EPHA5: variants seen among roughly 807,000 people sequenced by gnomAD.
The protein encoded by EPHA5 is ephrin type-A receptor 5.
In EPHA5, 60 loss-of-function variants were observed where a neutral mutation model predicts 105.0. The ratio of observed to expected loss-of-function variants is 0.57; its 90% CI spans 0.46 to 0.71. EPHA5 has a LOEUF of 0.71. Ranked by LOEUF, EPHA5 falls within the 30% of genes least tolerant of loss-of-function variation. The probability of loss-of-function intolerance (pLI) is 0.00; values close to 1 mark genes in which losing one functional copy is unlikely to be tolerated. For synonymous variants in EPHA5, 513 were observed against 449.1 expected (o/e 1.14, Z -1.80); for missense variants, 1,218 against 1,274.7 (o/e 0.96, Z 0.68).
chr4:65,586,490 G>A (rs542671487), intron 3 of EPHA5, among the ~76,000 whole-genome samples: 2 of 151,782 alleles, frequency 1.3e-5, no homozygotes, highest in Non-Finnish European at 2.9e-5. Flanking sequence ...ACAGGTAGCA[G>A]TTACTATTTT....
chr4:65,430,594 C>T (rs534225568), intron 5 of EPHA5, among the ~76,000 whole-genome samples: 47 of 152,134 alleles, frequency 3.1e-4, no homozygotes, highest in African/African-American at 1.1e-3. Context: ...CTCATTCATC[C>T]TTCCTAACAT....
At chr4:65,498,291 G>C (rs1436708278) in intron 3 of EPHA5, among the ~76,000 whole-genome samples, 1 of 151,836 alleles carries the variant, frequency 6.6e-6, no homozygotes, top group Non-Finnish European at 1.5e-5. Context: ...TTAGATATTT[G>C]GTACTTTATT....
intron 2 of EPHA5, among the ~76,000 whole-genome samples, chr4:65,613,900 C>T (rs1744993845): frequency 6.6e-6 from 1 of 151,936 alleles, no homozygotes; most frequent in African/African-American, 2.4e-5. Flanking sequence ...TAGGGATTGA[C>T]TATCTGAAGA....
At chr4:65,604,685 C>G (rs567725484) in intron 2 of EPHA5, among the ~76,000 whole-genome samples, 3 of 150,870 alleles carry the variant, frequency 2.0e-5, no homozygotes, top group South Asian at 4.2e-4. Context: ...TCCCCTTTAA[C>G]ATGAAGAGAA....
chr4:65,398,771 C>T (rs1233331393), intron 8 of EPHA5, among the ~76,000 whole-genome samples: 1 of 152,132 alleles, frequency 6.6e-6, no homozygotes, highest in Non-Finnish European at 1.5e-5. Context: ...CAGATAGGAG[C>T]TACACACTCT....
chr4:65,597,978 G>A (rs1253058341), intron 3 of EPHA5, among the ~76,000 whole-genome samples: 2 of 152,130 alleles, frequency 1.3e-5, no homozygotes, highest in Middle Eastern at 3.2e-3. Flanking sequence ...ACATAAGCAT[G>A]ATATGACAGC....
rs536732994 is a variant in EPHA5, at chr4:65,515,293, T to A, written c.911-19750A>T. On this transcript the variant is annotated intron_variant, in intron 3 of 16. Transcript: ENST00000613740. ...CCACCTACATTGTTGTTTTCTTTTTTAAAAAAAACAACAACATTGCTTTGG... is the reference window on the plus strand; with the variant it reads ...CCACCTACATTGTTGTTTTCTTTTTAAAAAAAAACAACAACATTGCTTTGG... Among the ~76,000 whole-genome samples, 12 of 152,152 alleles carry A rather than the reference T, an allele frequency of 7.9e-5. No homozygotes were observed. In the South Asian group the frequency reaches 8.3e-4, roughly 11 times the overall value.
At chr4:65,489,605 G>T (rs948161193) in intron 5 of EPHA5, among the ~76,000 whole-genome samples, 1 of 152,182 alleles carries the variant, frequency 6.6e-6, no homozygotes, top group Non-Finnish European at 1.5e-5. Context: ...GGTTTAGAAT[G>T]CCACATAGTG....
intron 12 of EPHA5, among the ~76,000 whole-genome samples, chr4:65,352,787 A>ATT (rs3838635): frequency 0.02 from 2,995 of 146,128 alleles, 50 homozygotes; most frequent in East Asian, 0.027. Context: ...ACTTCTCTGC[A>ATT]TTTTTTTTTT....
At chr4:65,442,714 A>G (rs1023499519) in intron 5 of EPHA5, among the ~76,000 whole-genome samples, 1 of 152,240 alleles carries the variant, frequency 6.6e-6, no homozygotes, top group African/African-American at 2.4e-5. Context: ...ATAAAGCAGA[A>G]TAAAATTACA....
intron 3 of EPHA5, among the ~76,000 whole-genome samples, chr4:65,521,371 T>C (rs987385496): frequency 5.9e-5 from 9 of 151,914 alleles, no homozygotes; most frequent in African/African-American, 2.2e-4. Context: ...CCAGAGCCTG[T>C]CTTGAGGTCG....
chr4:65,604,922 A>C (rs1301747621), intron 2 of EPHA5, among the ~76,000 whole-genome samples: 3 of 152,204 alleles, frequency 2.0e-5, no homozygotes, highest in Admixed American at 2.0e-4. Context: ...GATTTAATAA[A>C]AATATTTGCT....
chr4:65,598,114 TC>T (rs1743362181), intron 3 of EPHA5, among the ~76,000 whole-genome samples: 2 of 152,190 alleles, frequency 1.3e-5, no homozygotes, highest in African/African-American at 4.8e-5. Flanking sequence ...AGTTTGGTTA[TC>T]AAGAAACTGA....
intron 2 of EPHA5, among the ~76,000 whole-genome samples, chr4:65,631,100 G>A (rs914633160): frequency 1.3e-5 from 2 of 152,012 alleles, no homozygotes; most frequent in Non-Finnish European, 2.9e-5. Context: ...CATACAAAAA[G>A]GTTTTCAAAG....
rs956387294 is a variant in EPHA5 at position 65,601,987 on chromosome 4, A to C, written c.564T>G (p.Leu188=). The C allele has an allele frequency of 1.2e-6, 2 of 1,614,166 alleles. No homozygotes were observed. Among genetic ancestry groups the C allele is most frequent in the Admixed American group, 1.7e-5 (1 of 60,020 alleles). ...TATTCAGTTTCATAACACGGTCACC[A>C]AGATCAAGTTCTGTAAAGCTTTCAT... ...AADESFTELD[L]GDRVMKLNTE... The change falls in exon 3 of 17, where the codon CTT becomes CTG. Residue 188 remains leucine, a synonymous_variant. Transcript: ENST00000613740.
chr4:65,373,311 A>AC (rs781588305), intron 8 of EPHA5, among the ~76,000 whole-genome samples: 55 of 152,012 alleles, frequency 3.6e-4, no homozygotes, highest in Admixed American at 1.1e-3. Context: ...TCTGCCTACC[A>AC]CAAAGCACTT....
chr4:65,329,999 C>T (rs569607146), intron 16 of EPHA5, among the ~76,000 whole-genome samples: 309 of 151,378 alleles, frequency 2.0e-3, no homozygotes, highest in Middle Eastern at 0.017. Flanking sequence ...ATTTAAAGGG[C>T]CTGGAGTTGC....
At chr4:65,493,539 T>TAC (rs1016235271) in intron 4 of EPHA5, among the ~76,000 whole-genome samples, 3 of 152,248 alleles carry the variant, frequency 2.0e-5, no homozygotes, top group Admixed American at 2.0e-4. Flanking sequence ...ACTAAAAACA[T>TAC]ACACACACAC....
chr4:65,509,484 G>A (rs1315803048), intron 3 of EPHA5, among the ~76,000 whole-genome samples: 1 of 152,076 alleles, frequency 6.6e-6, no homozygotes, highest in Non-Finnish European at 1.5e-5. Flanking sequence ...AAGGAAGCCA[G>A]GAAAACAATA....
Sources: gnomAD v4.1 joint callset for allele counts (sites outside exome capture counted in the v4.1 genomes callset) on GRCh38, gnomAD v4.1.1 for gene constraint, MANE v1.5 for transcripts, NCBI Gene and HGNC (gene_info 2026-07-23, HGNC 2026-07-21) for gene names.